Variants in TJP1 observed in about 807,000 individuals in gnomAD.
The protein encoded by TJP1 is tight junction protein 1.
TJP1 carries 43 observed loss-of-function variants against 194.2 expected under a neutral mutation model. That is an observed-to-expected ratio of 0.22 (90% CI 0.17 to 0.29). TJP1 has a LOEUF of 0.29. TJP1 is among the 10% of genes least tolerant of loss of function. TJP1 has a pLI of 1.00. For synonymous variants in TJP1, 801 were observed against 779.0 expected, an observed-to-expected ratio of 1.03 and a Z score of -0.47; for missense variants, 1,971 against 2,185.7, an observed-to-expected ratio of 0.90 and a Z score of 1.96.
intron 2 of TJP1, among the ~76,000 whole-genome samples, chr15:29,780,138 G>A (rs1333819820): frequency 1.3e-5 from 2 of 152,152 alleles, no homozygotes; most frequent in African/African-American, 2.4e-5. Context: ...GGCAGGTGGA[G>A]GGGATGGTTT....
At chr15:29,943,394 C>T (rs1300536233) in intron 2 of TJP1, among the ~76,000 whole-genome samples, 2 of 152,110 alleles carry the variant, frequency 1.3e-5, no homozygotes, top group Non-Finnish European at 2.9e-5. Context: ...CTTTGGGAGG[C>T]CGAGGCGGGT....
chr15:29,867,177 C>A (rs1596140681), intron 2 of TJP1, among the ~76,000 whole-genome samples: 1 of 152,192 alleles, frequency 6.6e-6, no homozygotes, highest in South Asian at 2.1e-4. Flanking sequence ...CATTCCTGGA[C>A]ACGAGAAAAT....
At chr15:29,709,166 A>G in intron 24 of TJP1, 130 bp from the exon 25 acceptor site, 4 of 819,388 alleles carry the variant, frequency 4.9e-6, no homozygotes, top group Non-Finnish European at 7.6e-6. Flanking sequence ...CTGACTCTTG[A>G]GCCCTGGAGG....
At chr15:29,794,145 GA>G (rs1298039410) in intron 2 of TJP1, among the ~76,000 whole-genome samples, 1 of 151,852 alleles carries the variant, frequency 6.6e-6, no homozygotes, top group African/African-American at 2.4e-5. Context: ...TGCTTGCTCT[GA>G]AAATATTTCT....
Position 29,822,068 on chromosome 15 carries a change from G to C in TJP1, c.-40C>G. 7.9e-7 allele frequency: 1 copy of C among 1,263,036 alleles called. No homozygotes were observed. The highest frequency in any genetic ancestry group is 3.2e-5 in the East Asian group (1 of 31,424). The allele number at this position is 1,263,036 out of a possible 1,614,324, so 78.2% of individuals were successfully genotyped here. On this transcript the variant is annotated 5_prime_UTR_variant, in exon 1 of 28. Coordinates refer to ENST00000614355, the MANE Select transcript of TJP1 (RefSeq NM_001330239.4). ...GCGCCGCGCGAGGCTCCTCGGACCC[G>C]AAACTCCGCGGCGCTGGCCCGCCCG...
intron 5 of TJP1, among the ~76,000 whole-genome samples, 179 bp from the exon 6 acceptor site, chr15:29,762,617 T>G (rs549879486): frequency 4.6e-5 from 7 of 152,182 alleles, no homozygotes; most frequent in Admixed American, 2.6e-4. Flanking sequence ...AAGTCTGCAA[T>G]GTCTCCGTGA....
intron 18 of TJP1, among the ~76,000 whole-genome samples, chr15:29,724,855 T>C (rs2043148118): frequency 2.0e-5 from 3 of 152,186 alleles, no homozygotes; most frequent in Admixed American, 1.3e-4. Flanking sequence ...AAGTTGGACC[T>C]TTATTTTAAA....
chr15:29,800,830 G>A (rs1170884053), intron 1 of TJP1, 128 bp from the exon 2 acceptor site: 2 of 823,710 alleles, frequency 2.4e-6, no homozygotes, highest in Non-Finnish European at 3.7e-6. Flanking sequence ...GAGACACTCT[G>A]AAAGGACCTT....
chr15:29,930,046 G>A (rs1290729582), intron 2 of TJP1, among the ~76,000 whole-genome samples: 1 of 152,048 alleles, frequency 6.6e-6, no homozygotes, highest in Non-Finnish European at 1.5e-5. Context: ...TGTAAAACTT[G>A]AACAAACCTA....
At chr15:29,860,029 AGCTGTGGGTGGG>A (rs2052014551) in intron 2 of TJP1, among the ~76,000 whole-genome samples, 1 of 151,724 alleles carries the variant, frequency 6.6e-6, no homozygotes, top group Admixed American at 6.6e-5. Context: ...CTCAAACAGG[AGCTGTGGGTGGG>A]AGCCTCCACA....
intron 8 of TJP1, among the ~76,000 whole-genome samples, chr15:29,748,459 A>G (rs2044961786): frequency 6.6e-6 from 1 of 152,160 alleles, no homozygotes; most frequent in Admixed American, 6.5e-5. Context: ...AAGTCAAGAT[A>G]AAATCTGAAT....
rs1240731011 is a variant in TJP1, at chr15:29,726,940, A to G, written c.2152T>C (p.Tyr718His). 1 of 1,614,234 alleles carries G rather than the reference A, an allele frequency of 6.2e-7. No individual in the cohort carries two copies. The highest frequency in any genetic ancestry group is 2.2e-5 in the East Asian group (1 of 44,878). The change falls in exon 17 of 28, where the codon TAT (tyrosine) becomes CAT (histidine). Residue 718 changes from tyrosine to histidine, a missense_variant. By Grantham distance (83) the Tyr-to-His change is moderately conservative. Transcript: ENST00000614355. ...VTPNAVDRLNYAQWYPIVVFL... is the reference protein window; with the variant it reads ...VTPNAVDRLNHAQWYPIVVFL... ...ACAACAATTGGATACCACTGGGCAT[A>G]GTTAAGACGATCAACTGCATTTGGT... is the stretch of plus-strand genomic sequence containing the variant.
chr15:29,707,839 A>G (rs2041993902), intron 25 of TJP1, among the ~76,000 whole-genome samples: 3 of 152,198 alleles, frequency 2.0e-5, no homozygotes, highest in Admixed American at 2.0e-4. Context: ...TAATGTTTTT[A>G]GATGTCCTCC....
intron 24 of TJP1, among the ~76,000 whole-genome samples, chr15:29,709,681 G>A (rs1478337941): frequency 1.3e-5 from 2 of 152,324 alleles, no homozygotes; most frequent in Non-Finnish European, 2.9e-5. Flanking sequence ...TCTGAATATA[G>A]GGAATGTCTT....
chr15:29,808,379 G>C (rs1313076974), intron 1 of TJP1, among the ~76,000 whole-genome samples: 1 of 152,146 alleles, frequency 6.6e-6, no homozygotes, highest in Non-Finnish European at 1.5e-5. Flanking sequence ...GGGAGCTTCG[G>C]GACGTAAAGT....
intron 2 of TJP1, among the ~76,000 whole-genome samples, chr15:29,775,153 C>G (rs1029252820): frequency 6.6e-6 from 1 of 152,116 alleles, no homozygotes; most frequent in African/African-American, 2.4e-5. Context: ...CAGTAGCTGT[C>G]AGTTATGAGA....
chr15:29,945,208 G>A (rs1285137190), intron 2 of TJP1, among the ~76,000 whole-genome samples: 2 of 152,194 alleles, frequency 1.3e-5, no homozygotes, highest in Admixed American at 6.5e-5. Context: ...AAAAGGTCTA[G>A]GCCCTAACAC....
At chr15:29,775,735 C>G (rs749532142) in intron 2 of TJP1, among the ~76,000 whole-genome samples, 3 of 152,030 alleles carry the variant, frequency 2.0e-5, no homozygotes, top group Non-Finnish European at 4.4e-5. Flanking sequence ...ACTATTAGAA[C>G]AGCATTAGAA....
chr15:29,730,555 C>T (rs537454980), intron 15 of TJP1, among the ~76,000 whole-genome samples: 6 of 151,812 alleles, frequency 4.0e-5, no homozygotes, highest in African/African-American at 1.4e-4. Flanking sequence ...AATGATCTAA[C>T]CACTGCACTC....
Sources: gnomAD v4.1 joint callset for allele counts (sites outside exome capture counted in the v4.1 genomes callset) on GRCh38, gnomAD v4.1.1 for gene constraint, MANE v1.5 for transcripts, NCBI Gene and HGNC (gene_info 2026-07-23, HGNC 2026-07-21) for gene names.